DGKB: variants seen among roughly 807,000 people sequenced by gnomAD.
The protein encoded by DGKB is diacylglycerol kinase beta.
DGKB carries 67 observed loss-of-function variants against 114.3 expected under a neutral mutation model. The observed-to-expected ratio is 0.59, with a 90% CI of 0.48 to 0.72. The LOEUF is 0.72. Ranked by LOEUF, DGKB falls within the 30% of genes least tolerant of loss-of-function variation. DGKB has a pLI of 0.00. For synonymous variants in DGKB, 398 were observed against 323.1 expected, an observed-to-expected ratio of 1.23 and a Z score of -2.49; for missense variants, 907 against 975.2, an observed-to-expected ratio of 0.93 and a Z score of 0.93.
intron 21 of DGKB, among the ~76,000 whole-genome samples, chr7:14,451,696 A>T (rs912980102): frequency 6.6e-6 from 1 of 152,038 alleles, no homozygotes; most frequent in African/African-American, 2.4e-5. Flanking sequence ...AGTAAAGTCA[A>T]AGCCAGTGAG....
intron 17 of DGKB, among the ~76,000 whole-genome samples, chr7:14,583,352 AT>A (rs996508546): frequency 1.3e-5 from 2 of 152,046 alleles, no homozygotes; most frequent in Admixed American, 6.6e-5. Context: ...CATATTCTAG[AT>A]TCCATAATGA....
At chr7:14,788,771 T>A (rs2128502195) in intron 2 of DGKB, among the ~76,000 whole-genome samples, 1 of 152,302 alleles carries the variant, frequency 6.6e-6, no homozygotes, top group Admixed American at 6.5e-5. Context: ...TGTCCCATGG[T>A]ACAGTGGGTT....
At position 14,869,722 on chromosome 7, in the gene DGKB, TAA is replaced by T. The variant is rs1246722302; in HGVS notation, c.-187-28274_-187-28273del. Among the ~76,000 whole-genome samples, 3 of 152,234 alleles carry T rather than the reference TAA, an allele frequency of 2.0e-5. No individual in the cohort carries two copies. The East Asian group carries it at 5.8e-4, about 29-fold the overall frequency. On this transcript the variant is annotated intron_variant, in intron 1 of 25. Coordinates refer to ENST00000402815, the MANE Select transcript of DGKB (RefSeq NM_001350709.2). ...CATGGGCACTTCTCTATTCTATACTTAAGTTACTAATGTTTTTCAACAGTTAT... is the reference window on the plus strand; with the variant it reads ...CATGGGCACTTCTCTATTCTATACTTGTTACTAATGTTTTTCAACAGTTAT...
intron 6 of DGKB, among the ~76,000 whole-genome samples, chr7:14,704,447 CA>C (rs774905779): frequency 0.024 from 1,268 of 53,434 alleles, 5 homozygotes; most frequent in African/African-American, 0.056. Flanking sequence ...GACTCCATCT[CA>C]AAAAAAAAAA....
At chr7:14,921,344 A>T (rs568616202) in intron 1 of DGKB, among the ~76,000 whole-genome samples, 7 of 152,182 alleles carry the variant, frequency 4.6e-5, no homozygotes, top group African/African-American at 1.7e-4. Context: ...GGAGAAGGGT[A>T]TATACAAATT....
intron 1 of DGKB, among the ~76,000 whole-genome samples, chr7:14,889,937 G>C (rs1780926904): frequency 6.6e-6 from 1 of 151,440 alleles, no homozygotes; most frequent in Non-Finnish European, 1.5e-5. Flanking sequence ...ATATAATACA[G>C]AAATACATTA....
intron 2 of DGKB, among the ~76,000 whole-genome samples, chr7:14,790,431 G>C (rs760534572): frequency 6.9e-6 from 1 of 144,066 alleles, no homozygotes; most frequent in Non-Finnish European, 1.5e-5. Flanking sequence ...TCAGTTTTAT[G>C]TTTTAAATAT....
At chr7:14,544,918 A>AT (rs1056476115) in intron 20 of DGKB, among the ~76,000 whole-genome samples, 2 of 150,924 alleles carry the variant, frequency 1.3e-5, no homozygotes, top group Non-Finnish European at 2.9e-5. Flanking sequence ...CCAAATGTCA[A>AT]TTTTCCCCTT....
chr7:14,156,645 A>G (rs114011159), intron 25 of DGKB, among the ~76,000 whole-genome samples: 3,109 of 152,286 alleles, frequency 0.02, 105 homozygotes, highest in African/African-American at 0.07. Context: ...CACAGGCCAT[A>G]ATTTGCTGAC....
chr7:14,602,955 G>A (rs1044295275), intron 17 of DGKB, among the ~76,000 whole-genome samples: 9 of 152,080 alleles, frequency 5.9e-5, no homozygotes, highest in Admixed American at 2.6e-4. Context: ...GCCTTTGTTG[G>A]TGAGATAGAT....
rs577704836 is a variant in DGKB, at chr7:14,366,837, C to G, written c.1836-21446G>C. Among the ~76,000 whole-genome samples, 7 of 152,180 alleles carry G rather than the reference C, an allele frequency of 4.6e-5. No individual in the cohort carries two copies. The South Asian group carries it at 1.5e-3, about 32-fold the overall frequency. On this transcript the variant is annotated intron_variant, in intron 21 of 25. Transcript: ENST00000402815. ...AAGATTTTCTCTGCAAAGGAACATA[C>G]GTTCTTAATTATATACTTTATTGTG...
Position 14,828,004 on chromosome 7 carries a change from T to A in DGKB, c.70+13190A>T. On this transcript the variant is annotated intron_variant, in intron 2 of 25. Transcript: ENST00000402815. ...AAAATCTGGAGAAACTTGGGGAAGGTGGCAGCACCAATGTTTTGCTGAGGT... is the reference window on the plus strand; with the variant it reads ...AAAATCTGGAGAAACTTGGGGAAGGAGGCAGCACCAATGTTTTGCTGAGGT... 3.3e-5 allele frequency among the ~76,000 whole-genome samples: 5 copies of A among 152,172 alleles called. No homozygotes were observed. The Middle Eastern group carries it at 0.014, about 414-fold the overall frequency.
intron 20 of DGKB, among the ~76,000 whole-genome samples, chr7:14,572,257 T>A (rs1798495970): frequency 6.6e-6 from 1 of 150,442 alleles, no homozygotes; most frequent in Non-Finnish European, 1.5e-5. Context: ...ATCCAGACCA[T>A]CCTGGCTAAC....
chr7:14,788,773 C>G (rs1258939501), intron 2 of DGKB, among the ~76,000 whole-genome samples: 1 of 152,156 alleles, frequency 6.6e-6, no homozygotes, highest in East Asian at 1.9e-4. Context: ...TCCCATGGTA[C>G]AGTGGGTTCC....
At chr7:14,182,123 T>C (rs557949497) in intron 23 of DGKB, among the ~76,000 whole-genome samples, 4 of 152,264 alleles carry the variant, frequency 2.6e-5, no homozygotes, top group African/African-American at 9.6e-5. Context: ...TTATAGTTGT[T>C]ACAATATTTC....
chr7:14,416,128 T>C (rs1309487804), intron 21 of DGKB, among the ~76,000 whole-genome samples: 1 of 152,150 alleles, frequency 6.6e-6, no homozygotes, highest in Non-Finnish European at 1.5e-5. Flanking sequence ...GTTTGTTTTT[T>C]TCTTGTAAAT....
chr7:14,785,605 A>T lies in DGKB; in HGVS notation c.71-27874T>A, dbSNP rs187129414. On this transcript the variant is annotated intron_variant, in intron 2 of 25. Coordinates refer to ENST00000402815, the MANE Select transcript of DGKB (RefSeq NM_001350709.2). ...CTTAGAACCGAATTAAAAATTCAAG[A>T]CCACCTGCATCAAAAACATGTGGGA... is the stretch of plus-strand genomic sequence containing the variant. Among the ~76,000 whole-genome samples, 80 of 152,320 alleles carry T rather than the reference A, an allele frequency of 5.3e-4. 1 individual carries two copies. Among genetic ancestry groups the T allele is most frequent in the Non-Finnish European group, 9.6e-4 (65 of 68,028 alleles).
At chr7:14,290,767 T>C (rs1342516859) in intron 23 of DGKB, among the ~76,000 whole-genome samples, 3 of 152,096 alleles carry the variant, frequency 2.0e-5, no homozygotes. Context: ...CTGTGGACAA[T>C]AATATAGTTT....
chr7:14,668,906 A>G (rs970494165), intron 13 of DGKB, among the ~76,000 whole-genome samples: 1 of 152,122 alleles, frequency 6.6e-6, no homozygotes, highest in Non-Finnish European at 1.5e-5. Context: ...TTCCATTCAT[A>G]AAGCTGGAAT....
Sources: gnomAD v4.1 joint callset for allele counts (sites outside exome capture counted in the v4.1 genomes callset) on GRCh38, gnomAD v4.1.1 for gene constraint, MANE v1.5 for transcripts, NCBI Gene and HGNC (gene_info 2026-07-23, HGNC 2026-07-21) for gene names.